Variants in RIMS1 observed in about 807,000 individuals in gnomAD.
The protein encoded by RIMS1 is regulating synaptic membrane exocytosis 1.
Under a neutral mutation model 214.1 loss-of-function variants are expected in RIMS1, and 83 were observed. The observed-to-expected ratio is 0.39, with a 90% CI of 0.32 to 0.47. RIMS1 has a LOEUF of 0.47. Among genes scored for constraint, RIMS1 ranks in the 20% least tolerant of loss-of-function variants. RIMS1 has a pLI of 0.99. For missense variants in RIMS1, 2,050 were observed against 2,161.8 expected, an observed-to-expected ratio of 0.95 and a Z score of 1.03; for synonymous variants, 793 against 786.8, an observed-to-expected ratio of 1.01 and a Z score of -0.13.
intron 29 of RIMS1, among the ~76,000 whole-genome samples, chr6:72,383,834 A>C (rs1181990841): frequency 6.6e-6 from 1 of 152,118 alleles, no homozygotes; most frequent in Non-Finnish European, 1.5e-5. Context: ...CTCTTAAAAA[A>C]AAAATTAATT....
At chr6:72,229,596 G>C (rs914588290) in intron 6 of RIMS1, among the ~76,000 whole-genome samples, 1 of 151,662 alleles carries the variant, frequency 6.6e-6, no homozygotes, top group Non-Finnish European at 1.5e-5. Context: ...CCCAAAGTTA[G>C]CTCCTCTATT....
chr6:72,093,719 G>A (rs910882142), intron 2 of RIMS1, among the ~76,000 whole-genome samples: 1 of 151,676 alleles, frequency 6.6e-6, no homozygotes, highest in African/African-American at 2.4e-5. Context: ...CTATGTTTAT[G>A]TATTTATTTA....
chr6:72,146,027 C>G (rs765642292), intron 4 of RIMS1, among the ~76,000 whole-genome samples: 12 of 152,104 alleles, frequency 7.9e-5, no homozygotes, highest in Non-Finnish European at 1.3e-4. Flanking sequence ...TAAAAATTTT[C>G]TTGACTCTGA....
rs1272423278 is a variant in RIMS1, at chr6:72,350,101, TCTC to T, written c.4366+16267_4366+16269del. Among the ~76,000 whole-genome samples the T allele has an allele frequency of 3.3e-5, 5 of 152,240 alleles. No homozygotes were observed. The East Asian group carries it at 7.7e-4, about 24-fold the overall frequency. On this transcript the variant is annotated intron_variant, in intron 29 of 33. Coordinates refer to ENST00000521978, the MANE Select transcript of RIMS1 (RefSeq NM_014989.7). ...TGTCTTCTCATGGATCATTCTTTATTCTCTTTCAAATCACAGTTTGAAAAGTAT... is the reference window on the plus strand; with the variant it reads ...TGTCTTCTCATGGATCATTCTTTATTTTTCAAATCACAGTTTGAAAAGTAT...
Position 72,217,296 on chromosome 6 carries a change from T to C in RIMS1, c.1679-16477T>C, listed in dbSNP as rs1589332273. 1.5e-5 allele frequency: 21 copies of C among 1,425,238 alleles called. No individual in the cohort carries two copies. In the East Asian group the frequency reaches 5.2e-4, roughly 36 times the overall value. The allele number at this position is 1,425,238 out of a possible 1,614,324, so 88.3% of individuals were successfully genotyped here. ...TAAATGTAAAGTTAATGTAATTTAT[T>C]GTTTAATTATCCAAAAGAGTAAGAT... is the stretch of plus-strand genomic sequence containing the variant. On this transcript the variant is annotated intron_variant, in intron 6 of 33. Coordinates refer to ENST00000521978, the MANE Select transcript of RIMS1 (RefSeq NM_014989.7).
At chr6:72,108,528 T>A (rs932210280) in intron 4 of RIMS1, among the ~76,000 whole-genome samples, 37 of 152,144 alleles carry the variant, frequency 2.4e-4, no homozygotes, top group African/African-American at 8.9e-4. Flanking sequence ...TTATTTTTTA[T>A]TTAAACTTCT....
chr6:72,393,906 A>G (rs1257498910), intron 31 of RIMS1, among the ~76,000 whole-genome samples: 1 of 152,100 alleles, frequency 6.6e-6, no homozygotes, highest in Non-Finnish European at 1.5e-5. Flanking sequence ...TACAGTAGGT[A>G]CATACTCGGC....
chr6:72,240,702 C>T (rs181203816), intron 9 of RIMS1, among the ~76,000 whole-genome samples: 128 of 130,102 alleles, frequency 9.8e-4, no homozygotes, highest in African/African-American at 3.6e-3. Flanking sequence ...TAGGTAACAG[C>T]TTAGGGCAGT....
At chr6:71,996,287 G>C (rs187814834) in intron 2 of RIMS1, among the ~76,000 whole-genome samples, 1 of 152,258 alleles carries the variant, frequency 6.6e-6, no homozygotes, top group African/African-American at 2.4e-5. Context: ...ATGACGTTAA[G>C]TCAATCCCAT....
At chr6:72,341,947 G>A (rs567064506) in intron 29 of RIMS1, among the ~76,000 whole-genome samples, 39 of 151,822 alleles carry the variant, frequency 2.6e-4, no homozygotes, top group Middle Eastern at 3.4e-3. Context: ...AATATTGCAG[G>A]ACTCTTTCAC....
intron 1 of RIMS1, among the ~76,000 whole-genome samples, chr6:71,963,370 T>C (rs1793515672): frequency 1.3e-5 from 2 of 152,126 alleles, no homozygotes; most frequent in South Asian, 4.1e-4. Flanking sequence ...CCCGGCAGGG[T>C]GGTAAGAAGA....
intron 4 of RIMS1, among the ~76,000 whole-genome samples, chr6:72,157,480 G>C (rs2044593941): frequency 7.1e-6 from 1 of 140,288 alleles, no homozygotes; most frequent in Non-Finnish European, 1.6e-5. Context: ...AATCAGAGTT[G>C]TGTGTCTTTT....
At chr6:72,068,606 G>A (rs1228206427) in intron 2 of RIMS1, among the ~76,000 whole-genome samples, 1 of 152,198 alleles carries the variant, frequency 6.6e-6, no homozygotes, top group Non-Finnish European at 1.5e-5. Flanking sequence ...TGATGAACAA[G>A]AAGTGGCAAT....
chr6:72,252,621 T>C (rs2073930949), intron 15 of RIMS1, 140 bp from the exon 16 acceptor site: 2 of 658,548 alleles, frequency 3.0e-6, no homozygotes, highest in Admixed American at 4.6e-5. Flanking sequence ...CTTTTAAAAT[T>C]AGCTCAGTGT....
Position 71,890,570 on chromosome 6 carries a change from TAAAAAAAAAAAAAA to T in RIMS1, c.164+3397_164+3410del, listed in dbSNP as rs3076604. ...AGATCTAGGATCTTACTCCTTTTTG[TAAAAAAAAAAAAAA>T]AAAAAAAAAAAAACTTCATAGAGAA... On this transcript the variant is annotated intron_variant, in intron 1 of 33. Transcript: ENST00000521978. Among the ~76,000 whole-genome samples the T allele has an allele frequency of 3.7e-5, 3 of 81,516 alleles. No homozygotes were observed. The East Asian group carries it at 1.1e-3, about 30-fold the overall frequency. The allele number at this position is 81,516 out of a possible 152,430, so 53.5% of individuals were successfully genotyped here. A position where few individuals can be genotyped will look rare whatever the true frequency, so the allele number is the denominator to read the frequency against.
intron 16 of RIMS1, among the ~76,000 whole-genome samples, chr6:72,257,008 G>T (rs995076076): frequency 1.3e-5 from 2 of 151,758 alleles, no homozygotes; most frequent in Admixed American, 1.3e-4. Flanking sequence ...TTAAAATTCG[G>T]CATAAGATCA....
Position 72,399,645 on chromosome 6 carries a change from T to C in RIMS1, c.4860+551T>C, listed in dbSNP as rs571847252. ...TTATTTAAATTTTGTAACTAACATG[T>C]GCAATAAGTATCATTATCCCCATTT... On this transcript the variant is annotated intron_variant, in intron 33 of 33. Coordinates refer to ENST00000521978, the MANE Select transcript of RIMS1 (RefSeq NM_014989.7). 3.5e-5 allele frequency among the ~76,000 whole-genome samples: 5 copies of C among 141,264 alleles called. No homozygotes were observed. The South Asian group carries it at 1.2e-3, about 33-fold the overall frequency. The allele number at this position is 141,264 out of a possible 152,430, so 92.7% of individuals were successfully genotyped here. A position where few individuals can be genotyped will look rare whatever the true frequency, so the allele number is the denominator to read the frequency against.
chr6:72,324,798 A>G (rs1003810162), intron 28 of RIMS1, among the ~76,000 whole-genome samples: 9 of 151,858 alleles, frequency 5.9e-5, no homozygotes, highest in Non-Finnish European at 1.2e-4. Flanking sequence ...CCATTTCCTA[A>G]TATATCGTCT....
rs2079788926 is a variant in RIMS1, at chr6:72,265,001, T to G, written c.3143T>G (p.Leu1048Ter). ...TRHLVRHYKT[L>*]PPKMPLLQSS... ...CATCTTGTTAGGCACTATAAAACAT[T>G]ACCTCCCAAGATGCCTTTATTACAG... Residue 1048 changes from leucine to a stop codon, truncating the protein, a stop_gained, in exon 20 of 34, where the codon TTA (leucine) becomes TGA (stop). Transcript: ENST00000521978. LOFTEE classifies it high-confidence loss of function. The G allele has an allele frequency of 3.1e-6, 5 of 1,597,690 alleles. No individual in the cohort carries two copies. The highest frequency in any genetic ancestry group is 1.7e-4 in the Middle Eastern group (1 of 6,040).
Sources: gnomAD v4.1 joint callset for allele counts (sites outside exome capture counted in the v4.1 genomes callset) on GRCh38, gnomAD v4.1.1 for gene constraint, MANE v1.5 for transcripts, NCBI Gene and HGNC (gene_info 2026-07-23, HGNC 2026-07-21) for gene names.